The following TNN variants were observed in gnomAD, a reference collection of about 807,000 sequenced individuals.
TNN encodes tenascin N.
Under a neutral mutation model 134.4 loss-of-function variants are expected in TNN, and 122 were observed. That is an observed-to-expected ratio of 0.91 (90% CI 0.78 to 1.06). TNN has a LOEUF of 1.06. Among genes scored for constraint, TNN ranks in the 50% least tolerant of loss-of-function variants. The pLI is 0.00. For synonymous variants in TNN, 710 were observed against 670.3 expected, an observed-to-expected ratio of 1.06 and a Z score of -0.91; for missense variants, 1,739 against 1,699.4, an observed-to-expected ratio of 1.02 and a Z score of -0.41.
chr1:175,072,348 T>A (rs776359969), intron 1 of TNN, among the ~76,000 whole-genome samples: 2 of 152,204 alleles, frequency 1.3e-5, no homozygotes, highest in African/African-American at 2.4e-5. Context: ...TTCCTGTGGT[T>A]CCTGCATACA....
At position 175,135,921 on chromosome 1, in the gene TNN, C is replaced by T. The variant is rs1424910340; in HGVS notation, c.3407C>T (p.Pro1136Leu). 1.9e-6 allele frequency: 3 copies of T among 1,613,130 alleles called. No homozygotes were observed. The highest frequency in any genetic ancestry group is 2.7e-5 in the African/African-American group (2 of 74,862). ...AGCTATGTGGAAGGCTTTGGGGACC[C>T]CATGAAGGAGTTCTGGCTTGGTATG... The part of the protein sequence containing the change: ...WRSYVEGFGD[P>L]MKEFWLGLDK... Residue 1136 changes from proline to leucine, a missense_variant, in exon 16 of 19, where the codon CCC (proline) becomes CTC (leucine). By Grantham distance (98) the Pro-to-Leu change is moderately conservative. Transcript: ENST00000239462.
At chr1:175,101,827 TAC>T (rs1674732094) in intron 9 of TNN, among the ~76,000 whole-genome samples, 1 of 150,518 alleles carries the variant, frequency 6.6e-6, no homozygotes, top group African/African-American at 2.4e-5. Context: ...AGCAGCTAGA[TAC>T]ACAGTGTCGA....
intron 15 of TNN, among the ~76,000 whole-genome samples, chr1:175,131,722 C>G (rs1490125942): frequency 6.6e-6 from 1 of 152,158 alleles, no homozygotes; most frequent in Admixed American, 6.5e-5. Flanking sequence ...GATTAATGAT[C>G]TTGCCGAAGC....
Position 175,137,006 on chromosome 1 carries a change from C to T in TNN, c.3595+18C>T, listed in dbSNP as rs189649818. ...CACGGCAGGTGAGAAAAAATGTTTT[C>T]TTACTGCGAAGGTCTCTTGCTGTCT... On this transcript the variant is annotated intron_variant, in intron 17 of 18. Coordinates refer to ENST00000239462, the MANE Select transcript of TNN (RefSeq NM_022093.2). 143 of 1,612,914 alleles carry T rather than the reference C, an allele frequency of 8.9e-5. No homozygotes were observed. In the African/African-American group the frequency reaches 1.8e-3, roughly 20 times the overall value.
chr1:175,127,043 C>T lies in TNN; in HGVS notation c.3003C>T (p.His1001=), dbSNP rs56239270. The part of the protein sequence containing the change: ...LTWTPPSAQI[H]GYILTYQFPD... ...GGACGCCCCCCTCTGCTCAGATCCA[C>T]GGCTACATTCTGACTTACCAGTTCC... Residue 1001 remains histidine (H), a synonymous_variant, in exon 13 of 19, where the codon CAC becomes CAT. Coordinates refer to ENST00000239462, the MANE Select transcript of TNN (RefSeq NM_022093.2). 2.0e-3 allele frequency: 3,205 copies of T among 1,614,066 alleles called. 68 individuals carry two copies. In the African/African-American group the frequency reaches 0.037, roughly 19 times the overall value.
chr1:175,075,321 C>T lies in TNN; in HGVS notation c.-35-2063C>T, dbSNP rs138741252. Among the ~76,000 whole-genome samples, 474 of 152,136 alleles carry T rather than the reference C, an allele frequency of 3.1e-3. 1 individual carries two copies. The highest frequency in any genetic ancestry group is 0.011 in the African/African-American group (449 of 41,486). On this transcript the variant is annotated intron_variant, in intron 1 of 18. Coordinates refer to ENST00000239462, the MANE Select transcript of TNN (RefSeq NM_022093.2). ...AGGCGTTATTATTATTATTTGAGATCGAGTCTTGCTCTGTCGCCCAGGCTG... is the reference window on the plus strand; with the variant it reads ...AGGCGTTATTATTATTATTTGAGATTGAGTCTTGCTCTGTCGCCCAGGCTG...
In TNN at chr1:175,105,917, A is replaced by C. The variant is rs1214623256; in HGVS notation, c.2119+7322A>C. Among the ~76,000 whole-genome samples, 2 of 145,874 alleles carry C rather than the reference A, an allele frequency of 1.4e-5. 1 individual carries two copies. The highest frequency in any genetic ancestry group is 3.0e-5 in the Non-Finnish European group (2 of 65,716). On this transcript the variant is annotated intron_variant, in intron 9 of 18. Coordinates refer to ENST00000239462, the MANE Select transcript of TNN (RefSeq NM_022093.2). Reference sequence around the variant, plus strand: ...GTTGCATTCACCAATGCAGCAGCAGAAACAACCCCTGCCCAAGAACCTGCA... The same window carrying C: ...GTTGCATTCACCAATGCAGCAGCAGCAACAACCCCTGCCCAAGAACCTGCA...
In TNN at chr1:175,083,811, G is replaced by A; in HGVS notation, c.1110G>A (p.Glu370=). ...TDETENSLDV[E]WENPSTEVDY... is the part of the protein sequence containing the mutation. The stretch of plus-strand genomic sequence containing the variant: ...AGACTGAGAACTCCCTTGACGTGGA[G>A]TGGGAAAACCCCTCAACTGAGGTGG... The change falls in exon 5 of 19, where the codon GAG becomes GAA. Residue 370 remains glutamate, a synonymous_variant. Transcript: ENST00000239462. The A allele has an allele frequency of 6.2e-7, 1 of 1,614,222 alleles. No homozygotes were observed. The highest frequency in any genetic ancestry group is 8.5e-7 in the Non-Finnish European group (1 of 1,180,042).
chr1:175,112,704 GC>G (rs1675065647), intron 9 of TNN, among the ~76,000 whole-genome samples: 2 of 134,746 alleles, frequency 1.5e-5, no homozygotes, highest in East Asian at 4.9e-4. Context: ...TGCAACCTCT[GC>G]TTCTCAGGTT....
chr1:175,127,693 C>G (rs1473726806), intron 13 of TNN, among the ~76,000 whole-genome samples: 1 of 152,212 alleles, frequency 6.6e-6, no homozygotes, highest in Non-Finnish European at 1.5e-5. Context: ...GCATTGCCAG[C>G]CTGTTCCTGC....
At chr1:175,100,334 C>T (rs1674689541) in intron 9 of TNN, among the ~76,000 whole-genome samples, 1 of 152,208 alleles carries the variant, frequency 6.6e-6, no homozygotes, top group East Asian at 1.9e-4. Flanking sequence ...GCTGACTGCC[C>T]CTGGTTGAGA....
At chr1:175,095,717 G>A (rs919428340) in intron 7 of TNN, among the ~76,000 whole-genome samples, 1 of 152,152 alleles carries the variant, frequency 6.6e-6, no homozygotes. Context: ...GGGATTTCAG[G>A]CACCCGCCAC....
In TNN at chr1:175,136,988, G is replaced by A; in HGVS notation, c.3595G>A (p.Gly1199Arg). The change falls in exon 17 of 19, where the codon GGG becomes AGG. Residue 1199 changes from glycine to arginine, a missense_variant and splice_region_variant. Coordinates refer to ENST00000239462, the MANE Select transcript of TNN (RefSeq NM_022093.2). ...LTVGKYRGTA[G>R]DALTYHNGWK... ...AGTTGGGAAATACAGAGGCACGGCA[G>A]GTGAGAAAAAATGTTTTCTTACTGC... The A allele has an allele frequency of 6.2e-7, 1 of 1,613,320 alleles. No individual in the cohort carries two copies. The highest frequency in any genetic ancestry group is 2.2e-5 in the East Asian group (1 of 44,878).
At position 175,147,029 on chromosome 1, in the gene TNN, C is replaced by T. The variant is rs765693874; in HGVS notation, c.3858C>T (p.Gly1286=). ...PHGYSREPVL[G]RKKRTLRGRL... is the part of the protein sequence containing the mutation. ...GCTACAGCAGGGAGCCTGTCCTGGG[C>T]AGAAAGAAGCGGACGCTGAGAGGAA... is the stretch of plus-strand genomic sequence containing the variant. The change falls in exon 19 of 19, where the codon GGC becomes GGT. Residue 1286 remains glycine (G), a synonymous_variant. Coordinates refer to ENST00000239462, the MANE Select transcript of TNN (RefSeq NM_022093.2). 35 of 1,598,762 alleles carry T rather than the reference C, an allele frequency of 2.2e-5. No homozygotes were observed. The highest frequency in any genetic ancestry group is 2.7e-5 in the Non-Finnish European group (32 of 1,171,754).
At chr1:175,127,781 C>T (rs1384679784) in intron 13 of TNN, among the ~76,000 whole-genome samples, 1 of 152,216 alleles carries the variant, frequency 6.6e-6, no homozygotes, top group Non-Finnish European at 1.5e-5. Flanking sequence ...GCCGGTGATC[C>T]TGAAGCTGCA....
intron 3 of TNN, 147 bp from the exon 4 acceptor site, chr1:175,080,016 C>A: frequency 9.1e-7 from 1 of 1,093,824 alleles, no homozygotes; most frequent in South Asian, 1.5e-5. Flanking sequence ...ACCTGTCGTT[C>A]GGATAATAAC....
intron 4 of TNN, among the ~76,000 whole-genome samples, chr1:175,081,564 G>A (rs1240545265): frequency 6.6e-6 from 1 of 152,164 alleles, no homozygotes; most frequent in Non-Finnish European, 1.5e-5. Context: ...TGGGACTAGG[G>A]TGGAGGTGGG....
chr1:175,100,825 C>T (rs1479580954), intron 9 of TNN, among the ~76,000 whole-genome samples: 1 of 152,046 alleles, frequency 6.6e-6, no homozygotes, highest in Non-Finnish European at 1.5e-5. Context: ...GGTCATTGGG[C>T]ATCTACTCAG....
rs1675191936 is a variant in TNN at position 175,116,865 on chromosome 1, A to G, written c.2120-74A>G. 4 of 1,604,252 alleles carry G rather than the reference A, an allele frequency of 2.5e-6. No individual in the cohort carries two copies. The African/African-American group carries it at 4.0e-5, about 16-fold the overall frequency. ...CATAAGAACAGGAAACTGCCTTACC[A>G]CAAGTAAAATGCCCAGATCTCACTC... is the stretch of plus-strand genomic sequence containing the variant. On this transcript the variant is annotated intron_variant, in intron 9 of 18. Coordinates refer to ENST00000239462, the MANE Select transcript of TNN (RefSeq NM_022093.2).
Sources: allele counts gnomAD v4.1 joint callset (sites outside exome capture counted in the v4.1 genomes callset), GRCh38; gene constraint gnomAD v4.1.1; transcripts MANE v1.5; gene names NCBI Gene and HGNC (gene_info 2026-07-23, HGNC 2026-07-21).